The following GAB2 variants were observed in gnomAD, a reference collection of about 807,000 sequenced individuals.
GAB2 encodes GRB2-associated-binding protein 2.
A neutral mutation model predicts 65.5 loss-of-function variants in GAB2; 26 were observed. The observed-to-expected ratio is 0.40, with a 90% confidence interval of 0.29 to 0.55. The LOEUF is 0.55. Among genes scored for constraint, GAB2 ranks in the 20% least tolerant of loss-of-function variants. GAB2 has a pLI of 0.53. For missense variants in GAB2, 884 were observed against 875.8 expected (o/e 1.01, Z -0.12); for synonymous variants, 321 against 329.6 (o/e 0.97, Z 0.28).
intron 1 of GAB2, among the ~76,000 whole-genome samples, chr11:78,380,969 T>C (rs1219665350): frequency 6.6e-6 from 1 of 152,242 alleles, no homozygotes; most frequent in Non-Finnish European, 1.5e-5. Context: ...TCTCTGCCTA[T>C]GTAAGTGAAA....
At chr11:78,382,095 C>T (rs927289644) in intron 1 of GAB2, among the ~76,000 whole-genome samples, 1 of 152,148 alleles carries the variant, frequency 6.6e-6, no homozygotes, top group Non-Finnish European at 1.5e-5. Context: ...TTTACTGATC[C>T]CTCCAGACCT....
chr11:78,226,924 T>C lies in GAB2; in HGVS notation c.748A>G (p.Ser250Gly). The C allele has an allele frequency of 1.2e-6, 2 of 1,613,932 alleles. No individual in the cohort carries two copies. The highest frequency in any genetic ancestry group is 8.5e-7 in the Non-Finnish European group (1 of 1,179,936). ...GISGQVHGFY[S>G]LPKPSRHNTE... ...TTGTGCCGGCTCGGCTTGGGAAGGC[T>C]ATAGAAGCCATGGACTTGACCACTG... The change falls in exon 4 of 10, where the codon AGC (serine) becomes GGC (glycine). Residue 250 changes from serine to glycine, a missense_variant. Coordinates refer to ENST00000361507, the MANE Select transcript of GAB2 (RefSeq NM_080491.3).
intron 1 of GAB2, among the ~76,000 whole-genome samples, chr11:78,293,856 G>A (rs1475570889): frequency 1.9e-4 from 29 of 152,254 alleles, no homozygotes; most frequent in East Asian, 5.8e-4. Flanking sequence ...TGAGAGTGAG[G>A]GAGAGCGAGA....
At chr11:78,349,070 T>A (rs1856234214) in intron 1 of GAB2, among the ~76,000 whole-genome samples, 1 of 152,228 alleles carries the variant, frequency 6.6e-6, no homozygotes, top group Non-Finnish European at 1.5e-5. Context: ...CTTTTGGGGA[T>A]GATGCCAATG....
At chr11:78,372,290 C>G (rs1388629861) in intron 1 of GAB2, among the ~76,000 whole-genome samples, 9 of 152,164 alleles carry the variant, frequency 5.9e-5, no homozygotes, top group African/African-American at 2.2e-4. Flanking sequence ...ACTAGAAATG[C>G]TGAGAGATGA....
At chr11:78,244,663 TAA>T (rs36056237) in intron 3 of GAB2, among the ~76,000 whole-genome samples, 833 of 74,726 alleles carry the variant, frequency 0.011, 1 homozygote, top group Middle Eastern at 0.042. Flanking sequence ...ACATTCATAG[TAA>T]AAAAAAAAAA....
At chr11:78,350,675 C>A (rs1302929571) in intron 1 of GAB2, among the ~76,000 whole-genome samples, 1 of 152,010 alleles carries the variant, frequency 6.6e-6, no homozygotes, top group African/African-American at 2.4e-5. Flanking sequence ...GAACTAAATG[C>A]TCTAAAACAA....
At chr11:78,333,171 T>G (rs897506235) in intron 1 of GAB2, among the ~76,000 whole-genome samples, 2 of 152,246 alleles carry the variant, frequency 1.3e-5, no homozygotes, top group Admixed American at 1.3e-4. Context: ...AGGAAAATCT[T>G]ATCACTAACC....
chr11:78,305,721 A>G (rs187711813), intron 1 of GAB2, among the ~76,000 whole-genome samples: 26 of 152,288 alleles, frequency 1.7e-4, no homozygotes, highest in African/African-American at 6.3e-4. Context: ...GTTGAAACAT[A>G]GTTTTTAGAT....
chr11:78,274,329 G>A (rs1020934898), intron 2 of GAB2, among the ~76,000 whole-genome samples: 2 of 152,134 alleles, frequency 1.3e-5, no homozygotes, highest in African/African-American at 4.8e-5. Flanking sequence ...AAAAGAGGGA[G>A]TATCTGCTTG....
At chr11:78,302,537 G>C (rs371737868) in intron 1 of GAB2, among the ~76,000 whole-genome samples, 5 of 152,098 alleles carry the variant, frequency 3.3e-5, no homozygotes, top group African/African-American at 4.8e-5. Flanking sequence ...ACAGATGTTG[G>C]CATCGATGCA....
chr11:78,287,526 C>T (rs1189952687), intron 1 of GAB2, among the ~76,000 whole-genome samples: 1 of 152,154 alleles, frequency 6.6e-6, no homozygotes, highest in Non-Finnish European at 1.5e-5. Flanking sequence ...AATCTTCCTG[C>T]CTTGGCCTCC....
intron 1 of GAB2, among the ~76,000 whole-genome samples, chr11:78,415,938 ACT>A (rs971309605): frequency 3.7e-5 from 5 of 134,714 alleles, no homozygotes; most frequent in Middle Eastern, 4.0e-3. Flanking sequence ...ATTAAGGGTC[ACT>A]TTTTTTTTTT....
intron 2 of GAB2, among the ~76,000 whole-genome samples, chr11:78,278,273 T>C (rs1269941887): frequency 6.6e-6 from 1 of 152,072 alleles, no homozygotes; most frequent in Non-Finnish European, 1.5e-5. Flanking sequence ...TTTCGCCATG[T>C]TGGCCAGGCT....
At position 78,417,470 on chromosome 11, in the gene GAB2, G is replaced by A. The variant is rs1857213938; in HGVS notation, c.75+176C>T. Among the ~76,000 whole-genome samples the A allele has an allele frequency of 2.6e-5, 4 of 151,412 alleles. No individual in the cohort carries two copies. The South Asian group carries it at 8.3e-4, about 31-fold the overall frequency. ...CTGCCGCCCGCCCCGCCCCTCGGCG[G>A]CCCACCTGTGACAGGTGTGCAGGTG... On this transcript the variant is annotated intron_variant, in intron 1 of 9. Transcript: ENST00000361507.
chr11:78,398,688 C>T (rs901783763), intron 1 of GAB2, among the ~76,000 whole-genome samples: 10 of 152,030 alleles, frequency 6.6e-5, no homozygotes, highest in African/African-American at 1.9e-4. Context: ...AAAAAATGAG[C>T]GTGTGGCCAA....
At chr11:78,351,289 T>C (rs1052107794) in intron 1 of GAB2, among the ~76,000 whole-genome samples, 1 of 152,066 alleles carries the variant, frequency 6.6e-6, no homozygotes, top group Non-Finnish European at 1.5e-5. Flanking sequence ...TATTTATTTC[T>C]ACATACAAGA....
chr11:78,362,969 A>G (rs1856453360), intron 1 of GAB2, among the ~76,000 whole-genome samples: 1 of 152,224 alleles, frequency 6.6e-6, no homozygotes, highest in Non-Finnish European at 1.5e-5. Context: ...AAATATATAA[A>G]GCAAGAATTG....
chr11:78,278,510 A>T (rs1419505925), intron 2 of GAB2, among the ~76,000 whole-genome samples: 42 of 151,030 alleles, frequency 2.8e-4, no homozygotes, highest in Admixed American at 2.6e-3. Flanking sequence ...CCTCCTGAGT[A>T]GCTGGGAATA....
Sources: gnomAD v4.1 joint callset for allele counts (sites outside exome capture counted in the v4.1 genomes callset) on GRCh38, gnomAD v4.1.1 for gene constraint, MANE v1.5 for transcripts, NCBI Gene and HGNC (gene_info 2026-07-23, HGNC 2026-07-21) for gene names.